The following LIN54 variants were observed in gnomAD, a reference collection of about 807,000 sequenced individuals.
LIN54 encodes the protein protein lin-54 homolog.
LIN54 carries 9 observed loss-of-function variants against 78.7 expected under a neutral mutation model. The ratio of observed to expected loss-of-function variants is 0.11; its 90% CI spans 0.07 to 0.20. The LOEUF (loss-of-function observed/expected upper bound fraction) is 0.20. LIN54 is among the 10% of genes least tolerant of loss of function. The pLI, the probability that LIN54 is intolerant of heterozygous loss-of-function variation, is 1.00. For synonymous variants in LIN54, 269 were observed against 318.4 expected, an observed-to-expected ratio of 0.84 and a Z score of 1.65; for missense variants, 573 against 889.9, an observed-to-expected ratio of 0.64 and a Z score of 4.53.
chr4:82,936,328 T>C lies in LIN54; in HGVS notation c.1658A>G (p.Asn553Ser). The change falls in exon 10 of 13, where the codon AAT (asparagine) becomes AGT (serine). Residue 553 changes from asparagine (N) to serine (S), a missense_variant. By Grantham distance (46) the Asn-to-Ser change is conservative (BLOSUM62 1). Around this residue, in one of 6 missense-constraint regions of LIN54, gnomAD observed 101 missense variants for 194.2 expected, o/e 0.52. Coordinates refer to ENST00000340417, the MANE Select transcript of LIN54 (RefSeq NM_194282.4). The stretch of plus-strand genomic sequence containing the variant: ...TTCATGTTCCAAATTGTTGTAACAA[T>C]TAGTACAATTGCAGTTGTTGCAAAA... ...GEFCNNCNCT[N>S]CYNNLEHENE... 1 of 1,579,856 alleles carries C rather than the reference T, an allele frequency of 6.3e-7. No individual in the cohort carries two copies.
intron 4 of LIN54, among the ~76,000 whole-genome samples, chr4:82,962,839 G>C (rs1724914728): frequency 6.6e-6 from 1 of 151,402 alleles, no homozygotes; most frequent in Non-Finnish European, 1.5e-5. Context: ...GCATCCAAGA[G>C]CTGTGGAACT....
chr4:82,929,090 C>G (rs1432048133), intron 12 of LIN54, among the ~76,000 whole-genome samples: 1 of 152,178 alleles, frequency 6.6e-6, no homozygotes, highest in African/African-American at 2.4e-5. Context: ...GAAATTAAAG[C>G]TCACTATGGC....
chr4:82,949,613 T>C (rs945262581), intron 4 of LIN54, among the ~76,000 whole-genome samples: 5 of 152,094 alleles, frequency 3.3e-5, no homozygotes, highest in Non-Finnish European at 5.9e-5. Context: ...GCCAGGCTGG[T>C]CTTGAACTCC....
chr4:82,942,850 G>A lies in LIN54; in HGVS notation c.1169-2888C>T, dbSNP rs551005806. Reference sequence around the variant, plus strand: ...CTCATACACATGCACAAATGTGTGCGTGTGCGCGCGCACACACACACACAC... The same window carrying A: ...CTCATACACATGCACAAATGTGTGCATGTGCGCGCGCACACACACACACAC... On this transcript the variant is annotated intron_variant, in intron 5 of 12. Transcript: ENST00000340417. Among the ~76,000 whole-genome samples the A allele has an allele frequency of 3.1e-4, 23 of 74,772 alleles. No individual in the cohort carries two copies. In the East Asian group the frequency reaches 8.9e-3, roughly 29 times the overall value. 49.1% of individuals were successfully genotyped at this position (74,772 alleles called of 152,430 possible).
At position 82,926,582 on chromosome 4, in the gene LIN54, G is replaced by C. The variant is rs751163815; in HGVS notation, c.*1520C>G. 1 of 152,122 alleles carries C rather than the reference G, an allele frequency of 6.6e-6. No individual in the cohort carries two copies. Among genetic ancestry groups the C allele is most frequent in the Non-Finnish European group, 1.5e-5 (1 of 68,018 alleles). 9.4% of individuals were successfully genotyped at this position (152,122 alleles called of 1,614,324 possible). ...GATTAAGGTACCTAACAAAATGCCT[G>C]AATTCCAACATGGTTTTTTCTTGTC... On this transcript the variant is annotated 3_prime_UTR_variant, in exon 13 of 13. Transcript: ENST00000340417.
intron 7 of LIN54, among the ~76,000 whole-genome samples, chr4:82,939,228 T>G (rs1722638375): frequency 6.6e-6 from 1 of 152,216 alleles, no homozygotes; most frequent in South Asian, 2.1e-4. Flanking sequence ...CACAGTCTTT[T>G]CTAAATTCAT....
At chr4:82,981,645 G>A (rs2126084077) in intron 2 of LIN54, among the ~76,000 whole-genome samples, 1 of 152,176 alleles carries the variant, frequency 6.6e-6, no homozygotes, top group South Asian at 2.1e-4. Context: ...AAAAATAATG[G>A]ATTGTACAAG....
intron 11 of LIN54, among the ~76,000 whole-genome samples, chr4:82,933,016 C>T (rs985912194): frequency 2.6e-5 from 4 of 151,892 alleles, no homozygotes; most frequent in Non-Finnish European, 4.4e-5. Context: ...GCAAGATAAA[C>T]GGGCTGCATT....
chr4:82,991,697 AT>A (rs1383637562), intron 1 of LIN54, among the ~76,000 whole-genome samples: 1 of 152,214 alleles, frequency 6.6e-6, no homozygotes, highest in Non-Finnish European at 1.5e-5. Flanking sequence ...TTAAAAAATC[AT>A]AAAAGGATGT....
chr4:82,993,004 G>T (rs533645473), intron 1 of LIN54, among the ~76,000 whole-genome samples: 63 of 149,804 alleles, frequency 4.2e-4, no homozygotes, highest in African/African-American at 1.5e-3. Flanking sequence ...CTCCAGCCTG[G>T]GTGACAAAGC....
At chr4:82,960,435 T>C (rs906153356) in intron 4 of LIN54, among the ~76,000 whole-genome samples, 5 of 151,976 alleles carry the variant, frequency 3.3e-5, no homozygotes, top group African/African-American at 9.7e-5. Context: ...TGCATCTCAA[T>C]TGTCCTTTTT....
rs144248576 is a variant in LIN54 at position 82,938,319 on chromosome 4, A to G, written c.1532+94T>C. On this transcript the variant is annotated intron_variant, in intron 8 of 12. Coordinates refer to ENST00000340417, the MANE Select transcript of LIN54 (RefSeq NM_194282.4). ...GCATGCTCACATGGCTTTAAGGGGA[A>G]AAAAATAAAAGAGGATGTAGTTTGG... 3.0e-4 allele frequency: 227 copies of G among 748,626 alleles called. No homozygotes were observed. The African/African-American group carries it at 3.7e-3, about 12-fold the overall frequency. The allele number at this position is 748,626 out of a possible 1,614,324, so 46.4% of individuals were successfully genotyped here.
chr4:82,949,299 A>G (rs1162452030), intron 4 of LIN54, among the ~76,000 whole-genome samples: 1 of 152,116 alleles, frequency 6.6e-6, no homozygotes, highest in Non-Finnish European at 1.5e-5. Context: ...TCTGTTGGCC[A>G]TTTTTGTACC....
intron 2 of LIN54, among the ~76,000 whole-genome samples, chr4:82,982,437 C>T (rs1726756993): frequency 6.6e-6 from 1 of 152,106 alleles, no homozygotes; most frequent in Non-Finnish European, 1.5e-5. Flanking sequence ...ACTATGTTGC[C>T]CAGGCTGGTC....
In LIN54 at chr4:82,970,449, T is replaced by C. The variant is rs766831619; in HGVS notation, c.829A>G (p.Thr277Ala). Residue 277 changes from threonine to alanine, a missense_variant, in exon 4 of 13, where the codon ACT becomes GCT. By Grantham distance (58) the Thr-to-Ala change is moderately conservative. This residue lies in a region of LIN54 where 199 missense variants were observed against 260.9 expected (regional missense o/e 0.76). Transcript: ENST00000340417. Reference protein sequence around the residue: ...VIAGRVLSQSTPGTPSKTITI... With the variant: ...VIAGRVLSQSAPGTPSKTITI... The stretch of plus-strand genomic sequence containing the variant: ...ATGGTCTTTGATGGAGTTCCGGGAG[T>C]AGACTGTGAAAGAACCCTACCTGCA... 5 of 1,611,080 alleles carry C rather than the reference T, an allele frequency of 3.1e-6. No individual in the cohort carries two copies. The East Asian group carries it at 1.1e-4, about 36-fold the overall frequency.
chr4:83,011,537 TA>T (rs1403123812), upstream of LIN54, among the ~76,000 whole-genome samples: 2 of 152,058 alleles, frequency 1.3e-5, no homozygotes, highest in Non-Finnish European at 2.9e-5. Flanking sequence ...ATTGAAAATA[TA>T]ACTCTTAGCT....
chr4:82,939,523 CATTTTTT>C lies in LIN54; in HGVS notation c.1440+9_1440+15del, dbSNP rs1223279473. ...TATCACTTTTGCAATACAATGACTT[CATTTTTT>C]CCACATACCTGAGTAACATACTGAG... On this transcript the variant is annotated intron_variant, in intron 7 of 12. Transcript: ENST00000340417. 6.2e-7 allele frequency: 1 copy of C among 1,606,808 alleles called. No homozygotes were observed. Among genetic ancestry groups the C allele is most frequent in the Non-Finnish European group, 8.5e-7 (1 of 1,173,402 alleles).
intron 11 of LIN54, among the ~76,000 whole-genome samples, chr4:82,934,830 C>T (rs574425303): frequency 2.6e-5 from 4 of 152,320 alleles, no homozygotes; most frequent in African/African-American, 9.6e-5. Flanking sequence ...TAAAGAGTTT[C>T]AGGCATACCA....
chr4:82,964,889 T>G (rs868027960), intron 4 of LIN54, among the ~76,000 whole-genome samples: 1 of 151,952 alleles, frequency 6.6e-6, no homozygotes, highest in Non-Finnish European at 1.5e-5. Context: ...GCATAGCTAC[T>G]GGGGAAGCTG....
Sources: gnomAD v4.1 joint callset for allele counts (sites outside exome capture counted in the v4.1 genomes callset) on GRCh38, gnomAD v4.1.1 for gene constraint, gnomAD v4.1.1 regional missense constraint, MANE v1.5 for transcripts, NCBI Gene and HGNC (gene_info 2026-07-23, HGNC 2026-07-21) for gene names.